Variants in IL1RAPL1 observed in about 807,000 individuals in gnomAD.
IL1RAPL1 encodes the protein interleukin-1 receptor accessory protein-like 1.
IL1RAPL1 carries 3 observed loss-of-function variants against 48.4 expected under a neutral mutation model. The observed-to-expected ratio is 0.06, with a 90% CI of 0.03 to 0.16. IL1RAPL1 has a LOEUF of 0.16. Ranked by LOEUF, IL1RAPL1 falls within the 10% of genes least tolerant of loss-of-function variation. IL1RAPL1 has a pLI of 1.00. For missense variants in IL1RAPL1, 349 were observed against 530.6 expected, an observed-to-expected ratio of 0.66 and a Z score of 3.36; for synonymous variants, 185 against 187.7, an observed-to-expected ratio of 0.99 and a Z score of 0.12.
At chrX:28,857,391 T>C (rs1218240768) in intron 2 of IL1RAPL1, among the ~76,000 whole-genome samples, 1 of 111,867 alleles carries the variant, frequency 8.9e-6, no homozygotes, top group Non-Finnish European at 1.9e-5. Context: ...ATTGGAAGAA[T>C]ATGCCGTCTA....
intron 6 of IL1RAPL1, among the ~76,000 whole-genome samples, chrX:29,906,353 CAAA>C (rs1311290240): frequency 1.5e-3 from 94 of 62,167 alleles, no homozygotes; most frequent in African/African-American, 6.6e-3. Flanking sequence ...AAACAAACAA[CAAA>C]AAAAAAAACA....
intron 2 of IL1RAPL1, among the ~76,000 whole-genome samples, chrX:29,106,918 A>C (rs1236929380): frequency 1.8e-5 from 2 of 111,564 alleles, no homozygotes; most frequent in Admixed American, 9.6e-5. Context: ...TTACACCTAC[A>C]TTCTCTTTTG....
intron 2 of IL1RAPL1, among the ~76,000 whole-genome samples, chrX:29,265,280 G>A: frequency 9.2e-6 from 1 of 109,187 alleles, no homozygotes; most frequent in Non-Finnish European, 1.9e-5. Context: ...TATGAATTAT[G>A]AATATTATGA....
At chrX:28,945,897 A>ATGTG (rs1439015345) in intron 2 of IL1RAPL1, among the ~76,000 whole-genome samples, 2 of 94,354 alleles carry the variant, frequency 2.1e-5, no homozygotes, top group African/African-American at 8.0e-5. Flanking sequence ...GTATATATAT[A>ATGTG]TATATATGTG....
intron 1 of IL1RAPL1, among the ~76,000 whole-genome samples, chrX:28,730,045 C>A (rs1438271408): frequency 9.0e-6 from 1 of 111,623 alleles, no homozygotes; most frequent in Non-Finnish European, 1.9e-5. Context: ...AGGTGGTTTT[C>A]CTCATTTGTT....
intron 1 of IL1RAPL1, among the ~76,000 whole-genome samples, chrX:28,771,954 A>AG (rs1274467851): frequency 5.4e-4 from 59 of 108,961 alleles, no homozygotes; most frequent in African/African-American, 1.5e-3. Flanking sequence ...AAAAAAAAAA[A>AG]AAAAAGAAAA....
intron 2 of IL1RAPL1, among the ~76,000 whole-genome samples, chrX:28,912,808 G>T (rs993084646): frequency 1.5e-4 from 17 of 111,394 alleles, no homozygotes; most frequent in African/African-American, 4.9e-4. Flanking sequence ...CACAGAGCTT[G>T]TAAAGGGAAT....
chrX:28,655,913 G>C (rs750191304), intron 1 of IL1RAPL1, among the ~76,000 whole-genome samples: 1 of 111,839 alleles, frequency 8.9e-6, no homozygotes, highest in East Asian at 2.8e-4. Context: ...AAGAAGACAG[G>C]TGACCAAAAA....
At chrX:29,728,184 C>A (rs1248425568) in intron 6 of IL1RAPL1, among the ~76,000 whole-genome samples, 2 of 111,393 alleles carry the variant, frequency 1.8e-5, no homozygotes, top group African/African-American at 6.5e-5. Flanking sequence ...GATCCACCTG[C>A]CTTGGCCACC....
At chrX:29,608,757 C>CG (rs1324654580) in intron 5 of IL1RAPL1, among the ~76,000 whole-genome samples, 1 of 102,029 alleles carries the variant, frequency 9.8e-6, no homozygotes, top group Non-Finnish European at 2.0e-5. Context: ...ACCTGGGAGG[C>CG]GGAGCTTGCA....
At position 29,484,341 on chromosome X, in the gene IL1RAPL1, C is replaced by G. The variant is rs1207359751; in HGVS notation, c.703+85033C>G. The stretch of plus-strand genomic sequence containing the variant: ...GATCTTTCTTCTTCCTATAAAGCCA[C>G]CAGTCCCATCATGGGGGCTCACCCT... On this transcript the variant is annotated intron_variant, in intron 5 of 10. Transcript: ENST00000378993. 2.7e-5 allele frequency among the ~76,000 whole-genome samples: 3 copies of G among 111,407 alleles called. No homozygotes were observed. In the Admixed American group the frequency reaches 2.9e-4, roughly 11 times the overall value.
chrX:29,441,223 G>A (rs949469646), intron 5 of IL1RAPL1, among the ~76,000 whole-genome samples: 1 of 111,069 alleles, frequency 9.0e-6, no homozygotes, highest in African/African-American at 3.3e-5. Flanking sequence ...TTTATGTTGT[G>A]TCCTGTCTCC....
At chrX:29,019,657 C>G (rs1926319002) in intron 2 of IL1RAPL1, among the ~76,000 whole-genome samples, 1 of 111,755 alleles carries the variant, frequency 8.9e-6, no homozygotes, top group Non-Finnish European at 1.9e-5. Context: ...TGTATAACAT[C>G]CAATTGTACT....
chrX:29,340,961 A>G (rs891081765), intron 3 of IL1RAPL1, among the ~76,000 whole-genome samples: 8 of 112,226 alleles, frequency 7.1e-5, no homozygotes, highest in Non-Finnish European at 1.3e-4. Flanking sequence ...AGTGAAAGCT[A>G]GAGACATTTC....
intron 5 of IL1RAPL1, among the ~76,000 whole-genome samples, chrX:29,615,379 A>G (rs1041786160): frequency 1.4e-4 from 15 of 110,432 alleles, no homozygotes; most frequent in Non-Finnish European, 2.3e-4. Flanking sequence ...TTTCAATCCA[A>G]ATTAAGCTGA....
intron 2 of IL1RAPL1, among the ~76,000 whole-genome samples, chrX:28,816,538 G>C (rs1422248899): frequency 9.0e-6 from 1 of 110,729 alleles, no homozygotes; most frequent in African/African-American, 3.3e-5. Flanking sequence ...TAAGATAATG[G>C]CCGCCAGCTG....
At chrX:29,135,098 A>G (rs1202157318) in intron 2 of IL1RAPL1, among the ~76,000 whole-genome samples, 1 of 112,059 alleles carries the variant, frequency 8.9e-6, no homozygotes. Flanking sequence ...CTAAATAATG[A>G]TCTCATTAAA....
chrX:29,883,815 C>G (rs147907244), intron 6 of IL1RAPL1, among the ~76,000 whole-genome samples: 2,575 of 112,318 alleles, frequency 0.023, 29 homozygotes, highest in Non-Finnish European at 0.036. Context: ...TAAGAACTGG[C>G]TTGTGTGCAA....
At chrX:29,942,439 A>G (rs888333022) in intron 9 of IL1RAPL1, among the ~76,000 whole-genome samples, 17 of 111,822 alleles carry the variant, frequency 1.5e-4, no homozygotes, top group Non-Finnish European at 2.8e-4. Flanking sequence ...CTGGTCACCA[A>G]TGAATATGTG....
Sources: allele counts gnomAD v4.1 joint callset (sites outside exome capture counted in the v4.1 genomes callset), GRCh38; gene constraint gnomAD v4.1.1; transcripts MANE v1.5; gene names NCBI Gene and HGNC (gene_info 2026-07-23, HGNC 2026-07-21).